ACER1: variants seen among roughly 807,000 people sequenced by gnomAD.
ACER1 encodes the protein alkaline ceramidase 1, also known as CTB-180A7.3.
A neutral mutation model predicts 24.9 loss-of-function variants in ACER1; 28 were observed. That is an observed-to-expected ratio of 1.13 (90% CI 0.83 to 1.54). The LOEUF (loss-of-function observed/expected upper bound fraction) is 1.54. Ranked by LOEUF, ACER1 falls within the 40% of genes most tolerant of loss-of-function variation. The pLI is 0.00. For synonymous variants in ACER1, 132 were observed against 131.4 expected (o/e 1.00, Z -0.03); for missense variants, 352 against 349.3 (o/e 1.01, Z -0.06).
At chr19:6,325,512 G>T (rs552233315) in intron 1 of ACER1, among the ~76,000 whole-genome samples, 33 of 152,254 alleles carry the variant, frequency 2.2e-4, no homozygotes, top group South Asian at 1.0e-3. Context: ...AAATTAGCCA[G>T]CCATGGTGGC....
At chr19:6,315,458 C>A (rs982844043) in intron 1 of ACER1, among the ~76,000 whole-genome samples, 2 of 152,082 alleles carry the variant, frequency 1.3e-5, no homozygotes, top group Non-Finnish European at 2.9e-5. Flanking sequence ...CGGCTCACTG[C>A]AAGCTCCGCC....
At chr19:6,353,065 T>A in the ACER1 span, among the ~76,000 whole-genome samples, 10 of 151,996 alleles carry the variant, frequency 6.6e-5, no homozygotes, top group Non-Finnish European at 1.3e-4. Flanking sequence ...GTGGCTCACA[T>A]CTGTAATCCC....
At chr19:6,351,872 C>T in the ACER1 span, among the ~76,000 whole-genome samples, 12 of 151,928 alleles carry the variant, frequency 7.9e-5, no homozygotes, top group Admixed American at 1.3e-4. Context: ...CTGGCTAACA[C>T]GGTGAAACCC....
At chr19:6,341,034 T>C in the ACER1 span, among the ~76,000 whole-genome samples, 28 of 151,974 alleles carry the variant, frequency 1.8e-4, no homozygotes, top group Non-Finnish European at 3.8e-4. Context: ...GTCCAGTGTC[T>C]AGAGGCAACC....
At chr19:6,323,243 A>C (rs1486819105) in intron 1 of ACER1, among the ~76,000 whole-genome samples, 1 of 152,070 alleles carries the variant, frequency 6.6e-6, no homozygotes, top group African/African-American at 2.4e-5. Flanking sequence ...ACACAGTGAA[A>C]CCCCATCTCT....
At position 6,312,160 on chromosome 19, in the gene ACER1, A is replaced by G. The variant is rs1388122279; in HGVS notation, c.339T>C (p.Leu113=). 1.9e-6 allele frequency: 3 copies of G among 1,613,500 alleles called. No homozygotes were observed. Among genetic ancestry groups the G allele is most frequent in the Non-Finnish European group, 2.5e-6 (3 of 1,179,686 alleles). ...WMPRCYFPSF[L]GGNRSQFIRL... is the part of the protein sequence containing the mutation. The stretch of plus-strand genomic sequence containing the variant: ...AGCCCCTGACCCACCTGTTCCCCCC[A>G]AGGAAGGAGGGGAAATAGCAGCGGG... The change falls in exon 3 of 6, where the codon CTT becomes CTC. Residue 113 remains leucine, a synonymous_variant. Coordinates refer to ENST00000301452, the MANE Select transcript of ACER1 (RefSeq NM_133492.3).
chr19:6,335,142 TTAATA>T (rs930872688), upstream of ACER1, among the ~76,000 whole-genome samples: 134 of 143,716 alleles, frequency 9.3e-4, no homozygotes, highest in South Asian at 2.3e-3. Context: ...TTAATATAAT[TTAATA>T]TAATAATTAA....
the ACER1 span, among the ~76,000 whole-genome samples, chr19:6,358,129 G>A: frequency 5.2e-4 from 79 of 152,138 alleles, no homozygotes; most frequent in Non-Finnish European, 9.1e-4. Context: ...GCAACCGGCC[G>A]GGCAGGGCCA....
Position 6,309,756 on chromosome 19 carries a change from G to A in ACER1, c.429C>T (p.Ala143=), listed in dbSNP as rs755925156. 3 of 1,614,022 alleles carry A rather than the reference G, an allele frequency of 1.9e-6. No homozygotes were observed. The highest frequency in any genetic ancestry group is 1.7e-6 in the Non-Finnish European group (2 of 1,180,036). The change falls in exon 4 of 6, where the codon GCC becomes GCT. Residue 143 remains alanine (A), a synonymous_variant. Transcript: ENST00000301452. ...GCAGGGCAATGCTGTTGAGGGCGTA[G>A]GCGTTGACCGTGGGCCGCAGGAAGG... The part of the protein sequence containing the change: ...LLSFLRPTVN[A]YALNSIALHI...
chr19:6,339,474 G>A, the ACER1 span, among the ~76,000 whole-genome samples: 1 of 152,092 alleles, frequency 6.6e-6, no homozygotes, highest in African/African-American at 2.4e-5. Context: ...GGGGGATAGG[G>A]AGTGAGTGTT....
intron 1 of ACER1, among the ~76,000 whole-genome samples, chr19:6,317,041 T>C (rs2091606613): frequency 7.0e-6 from 1 of 141,876 alleles, no homozygotes; most frequent in African/African-American, 2.6e-5. Context: ...TGGTGCAATC[T>C]CGGTTCACTG....
the ACER1 span, among the ~76,000 whole-genome samples, chr19:6,347,109 A>AAAAAAAT: frequency 5.7e-4 from 65 of 113,766 alleles, 1 homozygote; most frequent in African/African-American, 2.8e-3. Context: ...AAAAAAAAAA[A>AAAAAAAT]ATATATATAT....
the ACER1 span, chr19:6,353,537 G>A: frequency 6.6e-6 from 1 of 151,976 alleles, no homozygotes; most frequent in Non-Finnish European, 1.5e-5. Context: ...TTTAAGTCGT[G>A]GTTCTTGGCT....
chr19:6,307,917 A>G (rs1874490505), intron 4 of ACER1, among the ~76,000 whole-genome samples: 1 of 148,472 alleles, frequency 6.7e-6, no homozygotes, highest in Non-Finnish European at 1.5e-5. Context: ...TGAAACTCTG[A>G]CTCTACTAAA....
chr19:6,338,882 CT>C, the ACER1 span, among the ~76,000 whole-genome samples: 312 of 142,742 alleles, frequency 2.2e-3, no homozygotes, highest in Middle Eastern at 0.011. Flanking sequence ...GCCTTAAAAT[CT>C]TTTTTTTTTT....
At chr19:6,354,903 G>T in the ACER1 span, among the ~76,000 whole-genome samples, 3 of 152,016 alleles carry the variant, frequency 2.0e-5, no homozygotes, top group Non-Finnish European at 4.4e-5. Context: ...CTGCCATCTC[G>T]GCTCACTGCA....
chr19:6,306,454 G>T lies in ACER1; in HGVS notation c.*260C>A. 2.3e-6 allele frequency: 1 copy of T among 432,606 alleles called. No individual in the cohort carries two copies. The highest frequency in any genetic ancestry group is 4.0e-5 in the South Asian group (1 of 25,126). The allele number at this position is 432,606 out of a possible 1,614,324, so 26.8% of individuals were successfully genotyped here. Reference sequence around the variant, plus strand: ...TCACTGGGAGGCTGTGGACACAGAGGAGGAAATGAAAGAGGATGGGGGGGG... The same window carrying T: ...TCACTGGGAGGCTGTGGACACAGAGTAGGAAATGAAAGAGGATGGGGGGGG... On this transcript the variant is annotated 3_prime_UTR_variant, in exon 6 of 6. Coordinates refer to ENST00000301452, the MANE Select transcript of ACER1 (RefSeq NM_133492.3).
chr19:6,314,401 C>T (rs1380607874), intron 1 of ACER1, among the ~76,000 whole-genome samples: 2 of 147,904 alleles, frequency 1.4e-5, no homozygotes, highest in Admixed American at 6.9e-5. Context: ...ACTCAGGAGG[C>T]AGAGGTGGTA....
chr19:6,322,216 A>G (rs994328126), intron 1 of ACER1, among the ~76,000 whole-genome samples: 6 of 152,170 alleles, frequency 3.9e-5, no homozygotes, highest in African/African-American at 1.4e-4. Context: ...ATACAAATTC[A>G]TCCCTAAGTC....
Sources: gnomAD v4.1 joint callset for allele counts (sites outside exome capture counted in the v4.1 genomes callset) on GRCh38, gnomAD v4.1.1 for gene constraint, MANE v1.5 for transcripts, NCBI Gene and HGNC (gene_info 2026-07-23, HGNC 2026-07-21) for gene names.